Variants in C9 observed in about 807,000 individuals in gnomAD.
The protein encoded by C9 is complement component C9.
Under a neutral mutation model 65.4 loss-of-function variants are expected in C9, and 63 were observed. That is an observed-to-expected ratio of 0.96 (90% CI 0.79 to 1.19). The LOEUF is 1.19. Among genes scored for constraint, C9 ranks in the 50% most tolerant of loss-of-function variants. C9 has a pLI of 0.00. For synonymous variants in C9, 229 were observed against 227.9 expected, an observed-to-expected ratio of 1.00 and a Z score of -0.04; for missense variants, 744 against 670.1, an observed-to-expected ratio of 1.11 and a Z score of -1.22.
intron 1 of C9, among the ~76,000 whole-genome samples, chr5:39,360,598 AAG>A (rs1400640075): frequency 6.6e-6 from 1 of 152,226 alleles, no homozygotes; most frequent in Non-Finnish European, 1.5e-5. Context: ...AGAAATATGT[AAG>A]AGAAAGACAG....
chr5:39,351,803 T>C (rs1336101604), intron 1 of C9, among the ~76,000 whole-genome samples: 1 of 152,174 alleles, frequency 6.6e-6, no homozygotes, highest in Non-Finnish European at 1.5e-5. Flanking sequence ...CCAAATTTTC[T>C]CTCATTTTCC....
intron 4 of C9, among the ~76,000 whole-genome samples, chr5:39,338,364 A>C (rs1472270605): frequency 6.6e-6 from 1 of 152,172 alleles, no homozygotes; most frequent in Non-Finnish European, 1.5e-5. Flanking sequence ...ATATAGTTTT[A>C]TGAGACTCAG....
chr5:39,362,039 G>A (rs1443504208), intron 1 of C9, among the ~76,000 whole-genome samples: 3 of 152,136 alleles, frequency 2.0e-5, no homozygotes, highest in African/African-American at 4.8e-5. Flanking sequence ...AGGCACAGAT[G>A]TCATAAGGAC....
At chr5:39,298,346 GA>G (rs1226789480) in intron 9 of C9, among the ~76,000 whole-genome samples, 1 of 151,486 alleles carries the variant, frequency 6.6e-6, no homozygotes, top group African/African-American at 2.4e-5. Context: ...AAAAAATAGA[GA>G]AAATTTTTTT....
At chr5:39,339,901 C>T (rs376902460) in intron 4 of C9, among the ~76,000 whole-genome samples, 24 of 152,020 alleles carry the variant, frequency 1.6e-4, no homozygotes, top group African/African-American at 4.8e-4. Context: ...CTTCGTGATC[C>T]GCCCGCCTCG....
chr5:39,303,175 AAAAC>A (rs1346968297), intron 9 of C9, among the ~76,000 whole-genome samples: 2 of 152,224 alleles, frequency 1.3e-5, no homozygotes, highest in African/African-American at 4.8e-5. Flanking sequence ...GTTTAAGAGG[AAAAC>A]AAAGTGCAGC....
intron 4 of C9, among the ~76,000 whole-genome samples, chr5:39,339,629 C>T (rs1453393337): frequency 6.8e-6 from 1 of 147,008 alleles, no homozygotes; most frequent in Non-Finnish European, 1.5e-5. Context: ...CTACAATGGT[C>T]TCCAGATACT....
At chr5:39,325,521 T>A (rs1202153512) in intron 5 of C9, among the ~76,000 whole-genome samples, 1 of 152,180 alleles carries the variant, frequency 6.6e-6, no homozygotes, top group Non-Finnish European at 1.5e-5. Flanking sequence ...ACGCCTGTAA[T>A]CCTAGCACTT....
chr5:39,354,246 G>A (rs1465351608), intron 1 of C9, among the ~76,000 whole-genome samples: 1 of 152,162 alleles, frequency 6.6e-6, no homozygotes, highest in Non-Finnish European at 1.5e-5. Flanking sequence ...GCCTCATCTG[G>A]AACTGACAGG....
intron 5 of C9, among the ~76,000 whole-genome samples, chr5:39,327,228 T>C (rs1361848161): frequency 6.6e-6 from 1 of 152,148 alleles, no homozygotes. Context: ...CTGCAGGCTA[T>C]AGATAGACAC....
chr5:39,364,065 A>C (rs1448222439), intron 1 of C9, among the ~76,000 whole-genome samples: 1 of 152,230 alleles, frequency 6.6e-6, no homozygotes, highest in East Asian at 1.9e-4. Flanking sequence ...CTTCTCAGAC[A>C]TCAGGCACTA....
In C9 at chr5:39,342,166, G is replaced by T; in HGVS notation, c.108C>A (p.Gly36=). 1 of 1,604,892 alleles carries T rather than the reference G, an allele frequency of 6.2e-7. No homozygotes were observed. Among genetic ancestry groups the T allele is most frequent in the Non-Finnish European group, 8.5e-7 (1 of 1,171,584 alleles). The change falls in exon 2 of 11, where the codon GGC becomes GGA. Residue 36 remains glycine (G), a synonymous_variant. Coordinates refer to ENST00000263408, the MANE Select transcript of C9 (RefSeq NM_001737.5). ...SYDPELTESS[G]SASHIDCRMS... is the part of the protein sequence containing the mutation. ...TTCTGCAGTCTATGTGTGATGCAGA[G>T]CCACTGCTTTCTGTTAGCTCTGGGT...
chr5:39,317,098 T>G (rs1753581296), intron 5 of C9, among the ~76,000 whole-genome samples: 1 of 152,230 alleles, frequency 6.6e-6, no homozygotes, highest in Non-Finnish European at 1.5e-5. Context: ...TAATGATCAG[T>G]GATGTTAAGC....
chr5:39,289,566 C>T (rs1055090566), intron 9 of C9, among the ~76,000 whole-genome samples: 1 of 151,604 alleles, frequency 6.6e-6, no homozygotes, highest in Admixed American at 6.6e-5. Context: ...TAGTATATAC[C>T]TCAAGTAACA....
intron 1 of C9, among the ~76,000 whole-genome samples, chr5:39,348,073 G>T (rs1754244521): frequency 6.6e-6 from 1 of 152,020 alleles, no homozygotes; most frequent in Non-Finnish European, 1.5e-5. Flanking sequence ...AACCTTAGAA[G>T]AAAACCCAGG....
At chr5:39,333,763 C>T (rs564450229) in intron 4 of C9, among the ~76,000 whole-genome samples, 48 of 152,138 alleles carry the variant, frequency 3.2e-4, no homozygotes, top group African/African-American at 1.0e-3. Context: ...AGGCGCGCAC[C>T]GCCACGCCTG....
chr5:39,351,326 C>T (rs835212), intron 1 of C9, among the ~76,000 whole-genome samples: 8,395 of 152,270 alleles, frequency 0.055, 371 homozygotes, highest in African/African-American at 0.12. Context: ...GAGGCATTTT[C>T]CCCTTTGTCT....
At chr5:39,310,759 A>G (rs149774) in intron 7 of C9, among the ~76,000 whole-genome samples, 58,229 of 152,098 alleles carry the variant, frequency 0.38, 12,240 homozygotes, top group East Asian at 0.57. Flanking sequence ...ACTCTGGAAG[A>G]TAACTGTGAT....
chr5:39,333,745 G>A (rs1753893219), intron 4 of C9, among the ~76,000 whole-genome samples: 1 of 151,822 alleles, frequency 6.6e-6, no homozygotes, highest in Non-Finnish European at 1.5e-5. Flanking sequence ...CCGAGTGCCT[G>A]CGATTGCAGG....
Sources: allele counts gnomAD v4.1 joint callset (sites outside exome capture counted in the v4.1 genomes callset), GRCh38; gene constraint gnomAD v4.1.1; transcripts MANE v1.5; gene names NCBI Gene and HGNC (gene_info 2026-07-23, HGNC 2026-07-21).